Variants in STIM1 observed in about 807,000 individuals in gnomAD.
STIM1 encodes stromal interaction molecule 1.
Under a neutral mutation model 74.7 loss-of-function variants are expected in STIM1, and 25 were observed. That is an observed-to-expected ratio of 0.33 (90% CI 0.24 to 0.47). The LOEUF (loss-of-function observed/expected upper bound fraction) is 0.47. STIM1 is among the 20% of genes least tolerant of loss of function. The pLI is 1.00. For missense variants in STIM1, 728 were observed against 920.8 expected, an observed-to-expected ratio of 0.79 and a Z score of 2.71; for synonymous variants, 328 against 348.8, an observed-to-expected ratio of 0.94 and a Z score of 0.66.
In STIM1 at chr11:4,059,376, T is replaced by G; in HGVS notation, c.593T>G (p.Val198Gly). 1 of 1,614,056 alleles carries G rather than the reference T, an allele frequency of 6.2e-7. No individual in the cohort carries two copies. Among genetic ancestry groups the G allele is most frequent in the Non-Finnish European group, 8.5e-7 (1 of 1,179,960 alleles). The change falls in exon 5 of 13, where the codon GTG becomes GGG. Residue 198 changes from valine to glycine, a missense_variant. Val to Gly is a moderately radical substitution (Grantham distance 109, BLOSUM62 -3). This residue lies in a region of STIM1 where 132 missense variants were observed against 158.2 expected (regional missense o/e 0.83). Transcript: ENST00000526596. ...QKLQLKALDT[V>G]LFGPPLLTRH... ...CTGCAGCTGAAGGCTCTGGATACAG[T>G]GCTCTTTGGGCCTCCTCTCTGTGAG... is the stretch of plus-strand genomic sequence containing the variant.
chr11:4,023,389 A>G (rs773673797), intron 2 of STIM1, among the ~76,000 whole-genome samples: 1 of 152,150 alleles, frequency 6.6e-6, no homozygotes, highest in Non-Finnish European at 1.5e-5. Flanking sequence ...ACCTGTCTAA[A>G]CCTAATGTAA....
intron 1 of STIM1, among the ~76,000 whole-genome samples, chr11:3,903,194 C>A (rs1290097510): frequency 6.6e-6 from 1 of 152,152 alleles, no homozygotes; most frequent in Non-Finnish European, 1.5e-5. Context: ...TGCCCAAACT[C>A]ACATGGCTAA....
chr11:4,046,824 A>G (rs2094197250), intron 3 of STIM1, among the ~76,000 whole-genome samples: 1 of 151,192 alleles, frequency 6.6e-6, no homozygotes, highest in Non-Finnish European at 1.5e-5. Context: ...TAATTTTTTT[A>G]TTTTTCTTTT....
At chr11:4,069,567 T>C (rs1590688319) in intron 5 of STIM1, among the ~76,000 whole-genome samples, 1 of 152,216 alleles carries the variant, frequency 6.6e-6, no homozygotes, top group East Asian at 1.9e-4. Flanking sequence ...ACTTCAGTCC[T>C]ACAGCCAGAA....
chr11:3,947,002 G>C (rs535766436), intron 1 of STIM1, among the ~76,000 whole-genome samples: 62 of 152,156 alleles, frequency 4.1e-4, no homozygotes, highest in Non-Finnish European at 1.3e-4. Context: ...TTCTCTTTTG[G>C]GGGGGTCTTA....
intron 2 of STIM1, among the ~76,000 whole-genome samples, chr11:4,018,608 G>A (rs2093925489): frequency 7.0e-6 from 1 of 143,880 alleles, no homozygotes; most frequent in South Asian, 2.2e-4. Context: ...TTGTGCCCCT[G>A]CACTCCAGCC....
At chr11:3,916,287 GTTT>G (rs1188407528) in intron 1 of STIM1, among the ~76,000 whole-genome samples, 5 of 144,500 alleles carry the variant, frequency 3.5e-5, no homozygotes, top group African/African-American at 1.2e-4. Flanking sequence ...AGTCAGTAAT[GTTT>G]TTTTTTTTTT....
intron 1 of STIM1, among the ~76,000 whole-genome samples, chr11:3,958,396 G>T (rs1371273365): frequency 6.6e-6 from 1 of 151,860 alleles, no homozygotes; most frequent in Non-Finnish European, 1.5e-5. Flanking sequence ...TGTTAGTGTT[G>T]CTTGGGCAGC....
intron 1 of STIM1, among the ~76,000 whole-genome samples, chr11:3,912,385 G>A (rs890002790): frequency 6.7e-6 from 1 of 148,260 alleles, no homozygotes; most frequent in African/African-American, 2.5e-5. Context: ...TTTTTTTTGA[G>A]ACGGAGTTTC....
At chr11:3,992,089 G>GTTTTTTTTTTTTTTTTTT (rs75377604) in intron 2 of STIM1, among the ~76,000 whole-genome samples, 5 of 95,402 alleles carry the variant, frequency 5.2e-5, no homozygotes, top group African/African-American at 2.1e-4. Context: ...CTGTTTTTTT[G>GTTTTTTTTTTTTTTTTTT]TTTTTTTTTT....
intron 2 of STIM1, among the ~76,000 whole-genome samples, chr11:3,991,823 G>A (rs1455560747): frequency 2.0e-5 from 3 of 151,564 alleles, no homozygotes; most frequent in African/African-American, 7.3e-5. Context: ...GGTGGCGCAT[G>A]CCTGTAATCC....
chr11:3,863,236 G>C (rs954824616), intron 1 of STIM1, among the ~76,000 whole-genome samples: 1 of 64,358 alleles, frequency 1.6e-5, no homozygotes, highest in African/African-American at 7.8e-5. Context: ...GTGTGTGTGT[G>C]TGTGTGTGTG....
At chr11:3,889,471 G>A (rs568565078) in intron 1 of STIM1, among the ~76,000 whole-genome samples, 1 of 151,444 alleles carries the variant, frequency 6.6e-6, no homozygotes, top group Non-Finnish European at 1.5e-5. Context: ...GGGTCCAAGC[G>A]ATTCTCTTAC....
At chr11:4,000,490 C>T (rs1241931036) in intron 2 of STIM1, among the ~76,000 whole-genome samples, 1 of 152,006 alleles carries the variant, frequency 6.6e-6, no homozygotes. Context: ...TGGAGTGGAC[C>T]TCTAGCAAAC....
At chr11:4,064,589 A>G (rs562983846) in intron 5 of STIM1, among the ~76,000 whole-genome samples, 2 of 152,210 alleles carry the variant, frequency 1.3e-5, no homozygotes, top group African/African-American at 4.8e-5. Flanking sequence ...GAGGCTTGAC[A>G]TATCTTCAAT....
chr11:4,059,966 T>TTA (rs1405568733), intron 5 of STIM1, among the ~76,000 whole-genome samples: 2 of 152,050 alleles, frequency 1.3e-5, no homozygotes, highest in East Asian at 1.9e-4. Context: ...ATCAGCAGGT[T>TTA]TATATATATA....
At chr11:3,878,862 C>CCGA (rs370817429) in intron 1 of STIM1, among the ~76,000 whole-genome samples, 9 of 152,314 alleles carry the variant, frequency 5.9e-5, no homozygotes, top group South Asian at 2.1e-4. Context: ...CTATCTTCCC[C>CCGA]CGACAGTTTG....
intron 1 of STIM1, among the ~76,000 whole-genome samples, chr11:3,865,801 G>T (rs1209157997): frequency 6.6e-6 from 1 of 152,148 alleles, no homozygotes; most frequent in Non-Finnish European, 1.5e-5. Flanking sequence ...GGTTACTCGT[G>T]GCCACCTGGA....
chr11:3,949,560 C>T (rs1282085730), intron 1 of STIM1, among the ~76,000 whole-genome samples: 1 of 152,206 alleles, frequency 6.6e-6, no homozygotes, highest in Admixed American at 6.5e-5. Context: ...AGTCATTTTT[C>T]AACCAGTGGT....
Sources: allele counts gnomAD v4.1 joint callset (sites outside exome capture counted in the v4.1 genomes callset), GRCh38; gene constraint gnomAD v4.1.1; regional missense constraint gnomAD v4.1.1; transcripts MANE v1.5; gene names NCBI Gene and HGNC (gene_info 2026-07-23, HGNC 2026-07-21).